CRMP1: variants seen among roughly 807,000 people sequenced by gnomAD.
The protein encoded by CRMP1 is collapsin response mediator protein 1, also known as dihydropyrimidinase-related protein 1.
In CRMP1, 19 loss-of-function variants were observed where a neutral mutation model predicts 68.3. That is an observed-to-expected ratio of 0.28 (90% CI 0.19 to 0.41). CRMP1 has a LOEUF of 0.41. CRMP1 is among the 10% of genes least tolerant of loss of function. The probability of loss-of-function intolerance (pLI) is 1.00; values close to 1 mark genes in which losing one functional copy is unlikely to be tolerated. For missense variants in CRMP1, 791 were observed against 967.4 expected, an observed-to-expected ratio of 0.82 and a Z score of 2.42; for synonymous variants, 439 against 399.6, an observed-to-expected ratio of 1.10 and a Z score of -1.18.
Position 5,860,990 on chromosome 4 carries a change from G to T in CRMP1, c.655+36C>A, listed in dbSNP as rs771415201. The stretch of plus-strand genomic sequence containing the variant: ...CTGGTGATGGGGAGGAGACCTCACA[G>T]TCTATGTCCCTAAGGCAGGGGACAG... On this transcript the variant is annotated intron_variant, in intron 3 of 13. Transcript: ENST00000324989. The surrounding 1 kb of genome is among the most constrained non-coding windows in gnomAD (Gnocchi z 4.2). The T allele has an allele frequency of 6.2e-7, 1 of 1,603,712 alleles. No individual in the cohort carries two copies. The highest frequency in any genetic ancestry group is 1.1e-5 in the South Asian group (1 of 89,714).
chr4:5,863,661 G>A (rs762192393), intron 2 of CRMP1, among the ~76,000 whole-genome samples: 13 of 152,010 alleles, frequency 8.6e-5, no homozygotes, highest in Admixed American at 4.6e-4. Flanking sequence ...CTCAACCACC[G>A]GCACTAGATT....
chr4:5,859,859 G>A lies in CRMP1; in HGVS notation c.655+1167C>T, dbSNP rs570693428. Among the ~76,000 whole-genome samples, 18 of 152,314 alleles carry A rather than the reference G, an allele frequency of 1.2e-4. No homozygotes were observed. The highest frequency in any genetic ancestry group is 2.2e-4 in the Non-Finnish European group (15 of 68,028). On this transcript the variant is annotated intron_variant, in intron 3 of 13. Transcript: ENST00000324989. This position sits in a 1 kb window ranked among gnomAD's most constrained non-coding sequence, Gnocchi z 5.2. Reference sequence around the variant, plus strand: ...CAAAGGGACTCCTTTGTGAAGGAGCGGGAGAGATGGGCAGGGTTGGGGCCA... The same window carrying A: ...CAAAGGGACTCCTTTGTGAAGGAGCAGGAGAGATGGGCAGGGTTGGGGCCA...
intron 1 of CRMP1, among the ~76,000 whole-genome samples, chr4:5,871,657 G>A (rs1422877420): frequency 2.6e-5 from 4 of 151,826 alleles, no homozygotes; most frequent in South Asian, 2.1e-4. Flanking sequence ...GAGATTCCCC[G>A]CTCCCCGCCC....
rs1295548718 is a variant in CRMP1, at chr4:5,825,575, C to T, written c.1888G>A (p.Ala630Thr). ...VPATPKYATP[A>T]PSAKSSPSKH... ...GAAGGCGAAGATTTGGCTGAAGGAG[C>T]GGGAGTTGCATATTTGGGTGTAGCT... Residue 630 changes from alanine (A) to threonine (T), a missense_variant, in exon 13 of 14, where the codon GCT becomes ACT. Physicochemically the swap from Ala to Thr is moderately conservative, Grantham distance 58 (BLOSUM62 0). Transcript: ENST00000324989. This position sits in a 1 kb window ranked among gnomAD's most constrained non-coding sequence, Gnocchi z 4.4. 6.2e-6 allele frequency: 10 copies of T among 1,600,870 alleles called. No homozygotes were observed. The highest frequency in any genetic ancestry group is 1.4e-5 in the African/African-American group (1 of 73,986).
intron 4 of CRMP1, among the ~76,000 whole-genome samples, chr4:5,852,595 G>T (rs948409770): frequency 3.9e-5 from 6 of 152,226 alleles, no homozygotes; most frequent in Admixed American, 1.3e-4. Context: ...TTGAGATACA[G>T]AAGTTACTAA....
In CRMP1 at chr4:5,842,996, A is replaced by T. The variant is rs892042922; in HGVS notation, c.1032+97T>A. On this transcript the variant is annotated intron_variant, in intron 7 of 13. Coordinates refer to ENST00000324989, the MANE Select transcript of CRMP1 (RefSeq NM_001014809.3). This position sits in a 1 kb window ranked among gnomAD's most constrained non-coding sequence, Gnocchi z 4.5. ...ATGGTCTGGGAGAGGACACGGGAAG[A>T]GGCCGGGTCCTGGCTGGGCTACTCC... 1.5e-5 allele frequency: 18 copies of T among 1,162,884 alleles called. No homozygotes were observed. In the African/African-American group the frequency reaches 1.8e-4, roughly 12 times the overall value. The allele number at this position is 1,162,884 out of a possible 1,614,324, so 72.0% of individuals were successfully genotyped here. A position where few individuals can be genotyped will look rare whatever the true frequency, so the allele number is the denominator to read the frequency against.
At position 5,888,735 on chromosome 4, in the gene CRMP1, T is replaced by A; in HGVS notation, c.381+3854A>T. Reference sequence around the variant, plus strand: ...CAGAGAGTATGGTTTTCAGGGCTCCTTTAAAAGAAAAAGACGGCGCGGTCA... The same window carrying A: ...CAGAGAGTATGGTTTTCAGGGCTCCATTAAAAGAAAAAGACGGCGCGGTCA... On this transcript the variant is annotated intron_variant, in intron 1 of 13. Transcript: ENST00000324989. This position sits in a 1 kb window ranked among gnomAD's most constrained non-coding sequence, Gnocchi z 6.4. 4.6e-6 allele frequency: 3 copies of A among 658,620 alleles called. No homozygotes were observed. The highest frequency in any genetic ancestry group is 2.0e-5 in the African/African-American group (1 of 50,724). 40.8% of individuals were successfully genotyped at this position (658,620 alleles called of 1,614,324 possible). A position where few individuals can be genotyped will look rare whatever the true frequency, so the allele number is the denominator to read the frequency against.
chr4:5,889,863 G>GTT lies in CRMP1; in HGVS notation c.381+2724_381+2725dup. ...ACCTGGGCCTTAAAATAGAGGTGAG[G>GTT]TTTTAGCTTCACAGAGAAGCCAGCT... On this transcript the variant is annotated intron_variant, in intron 1 of 13. Transcript: ENST00000324989. This position sits in a 1 kb window ranked among gnomAD's most constrained non-coding sequence, Gnocchi z 4.5. 7.0e-7 allele frequency: 1 copy of GTT among 1,434,868 alleles called. No individual in the cohort carries two copies. Among genetic ancestry groups the GTT allele is most frequent in the Non-Finnish European group, 9.1e-7 (1 of 1,097,444 alleles). 88.9% of individuals were successfully genotyped at this position (1,434,868 alleles called of 1,614,324 possible). A position where few individuals can be genotyped will look rare whatever the true frequency, so the allele number is the denominator to read the frequency against.
In CRMP1 at chr4:5,854,140, C is replaced by T. The variant is rs1264402944; in HGVS notation, c.820+2003G>A. 6.6e-6 allele frequency among the ~76,000 whole-genome samples: 1 copy of T among 152,178 alleles called. No individual in the cohort carries two copies. The highest frequency in any genetic ancestry group is 1.9e-4 in the East Asian group (1 of 5,190). On this transcript the variant is annotated intron_variant, in intron 4 of 13. Transcript: ENST00000324989. The surrounding 1 kb of genome is among the most constrained non-coding windows in gnomAD (Gnocchi z 4.0). ...AGGCGGCAACCTGGGGAAAATTGCT[C>T]AGAACTTAACATTAGGTAAGGAAAG...
intron 1 of CRMP1, among the ~76,000 whole-genome samples, chr4:5,878,674 G>GC (rs1715017109): frequency 6.6e-6 from 1 of 152,078 alleles, no homozygotes; most frequent in African/African-American, 2.4e-5. Flanking sequence ...CTCTAACGTG[G>GC]CCCCACACCT....
rs1715319406 is a variant in CRMP1, at chr4:5,883,176, G to GTCA, written c.381+9410_381+9412dup. ...CTCTTGTTGCTTCTGCCAGGGCTGA[G>GTCA]TCATCTCTTCTCTGAATTCCTCTGA... On this transcript the variant is annotated intron_variant, in intron 1 of 13. Transcript: ENST00000324989. This position sits in a 1 kb window ranked among gnomAD's most constrained non-coding sequence, Gnocchi z 4.5. 6.6e-6 allele frequency among the ~76,000 whole-genome samples: 1 copy of GTCA among 152,106 alleles called. No individual in the cohort carries two copies. The highest frequency in any genetic ancestry group is 1.5e-5 in the Non-Finnish European group (1 of 68,030).
chr4:5,891,096 GA>G lies in CRMP1; in HGVS notation c.381+1492del, dbSNP rs1715919101. The stretch of plus-strand genomic sequence containing the variant: ...CCAGGGAAGGTAGTGGACAGGGGGA[GA>G]TACAGAAGGGGTGGGGGAAGAGGAA... On this transcript the variant is annotated intron_variant, in intron 1 of 13. Coordinates refer to ENST00000324989, the MANE Select transcript of CRMP1 (RefSeq NM_001014809.3). The surrounding 1 kb of genome is among the most constrained non-coding windows in gnomAD (Gnocchi z 5.2). Among the ~76,000 whole-genome samples the G allele has an allele frequency of 9.2e-5, 14 of 151,984 alleles. No individual in the cohort carries two copies. The South Asian group carries it at 2.9e-3, about 32-fold the overall frequency.
chr4:5,826,082 A>C (rs1260610650), intron 12 of CRMP1: 2 of 246,484 alleles, frequency 8.1e-6, no homozygotes, highest in Non-Finnish European at 1.5e-5. Flanking sequence ...ATACATGCCC[A>C]CACACACACT....
In CRMP1 at chr4:5,838,118, C is replaced by G. The variant is rs1720851470; in HGVS notation, c.1311-1212G>C. On this transcript the variant is annotated intron_variant, in intron 9 of 13. Coordinates refer to ENST00000324989, the MANE Select transcript of CRMP1 (RefSeq NM_001014809.3). This position sits in a 1 kb window ranked among gnomAD's most constrained non-coding sequence, Gnocchi z 4.9. ...ATTACGTCACTGAGGAGCCTTCTAG[C>G]AAAGATCTGAAGGAAGTCACAGAGC... Among the ~76,000 whole-genome samples the G allele has an allele frequency of 6.6e-6, 1 of 152,108 alleles. No homozygotes were observed. Among genetic ancestry groups the G allele is most frequent in the Non-Finnish European group, 1.5e-5 (1 of 68,022 alleles).
chr4:5,846,230 G>GGGCT (rs1391285818), intron 6 of CRMP1, among the ~76,000 whole-genome samples: 2 of 152,132 alleles, frequency 1.3e-5, no homozygotes, highest in African/African-American at 4.8e-5. Flanking sequence ...CAGGAGACGG[G>GGGCT]GGCTGCAATG....
intron 10 of CRMP1, among the ~76,000 whole-genome samples, chr4:5,836,534 T>G (rs1265432085): frequency 6.6e-6 from 1 of 152,186 alleles, no homozygotes; most frequent in Non-Finnish European, 1.5e-5. Context: ...AAAACATTTT[T>G]CAATCTTAAG....
rs1715900889 is a variant in CRMP1 at position 5,890,645 on chromosome 4, G to C, written c.381+1944C>G. On this transcript the variant is annotated intron_variant, in intron 1 of 13. Coordinates refer to ENST00000324989, the MANE Select transcript of CRMP1 (RefSeq NM_001014809.3). This position sits in a 1 kb window ranked among gnomAD's most constrained non-coding sequence, Gnocchi z 5.5. ...AGGCGCTGCCTTTTGTCCGGTGCCT[G>C]AGAAGCCATGGAGAAAGGCAGAGGG... 6.6e-6 allele frequency among the ~76,000 whole-genome samples: 1 copy of C among 152,238 alleles called. No homozygotes were observed. Among genetic ancestry groups the C allele is most frequent in the African/African-American group, 2.4e-5 (1 of 41,470 alleles).
chr4:5,861,325 C>T lies in CRMP1; in HGVS notation c.471-115G>A. 2 of 1,039,680 alleles carry T rather than the reference C, an allele frequency of 1.9e-6. No homozygotes were observed. The highest frequency in any genetic ancestry group is 2.8e-6 in the Non-Finnish European group (2 of 710,780). The allele number at this position is 1,039,680 out of a possible 1,614,324, so 64.4% of individuals were successfully genotyped here. A position where few individuals can be genotyped will look rare whatever the true frequency, so the allele number is the denominator to read the frequency against. On this transcript the variant is annotated intron_variant, in intron 2 of 13. Transcript: ENST00000324989. This position sits in a 1 kb window ranked among gnomAD's most constrained non-coding sequence, Gnocchi z 6.0. Reference sequence around the variant, plus strand: ...TTTCTGAGCCAGGCCCTTCACAAGGCCCTGGGGAGACAGAGATAACTCAGG... The same window carrying T: ...TTTCTGAGCCAGGCCCTTCACAAGGTCCTGGGGAGACAGAGATAACTCAGG...
intron 6 of CRMP1, among the ~76,000 whole-genome samples, chr4:5,846,317 T>G (rs991583224): frequency 1.9e-4 from 29 of 152,124 alleles, no homozygotes; most frequent in Non-Finnish European, 7.3e-5. Context: ...AAAAAAATTT[T>G]TTTGAAGAGA....
Sources: gnomAD v4.1 joint callset for allele counts (sites outside exome capture counted in the v4.1 genomes callset) on GRCh38, gnomAD v4.1.1 for gene constraint, Gnocchi (gnomAD v3.1) non-coding constraint, MANE v1.5 for transcripts, NCBI Gene and HGNC (gene_info 2026-07-23, HGNC 2026-07-21) for gene names.